ZFHX3: variants seen among roughly 807,000 people sequenced by gnomAD.
ZFHX3 encodes the protein zinc finger homeobox 3.
A neutral mutation model predicts 279.1 loss-of-function variants in ZFHX3; 42 were observed. The ratio of observed to expected loss-of-function variants is 0.15; its 90% CI spans 0.12 to 0.19. ZFHX3 has a LOEUF of 0.19. Ranked by LOEUF, ZFHX3 falls within the 10% of genes least tolerant of loss-of-function variation. The probability of loss-of-function intolerance (pLI) is 1.00; values close to 1 mark genes in which losing one functional copy is unlikely to be tolerated. For missense variants in ZFHX3, 4,981 were observed against 4,754.0 expected (o/e 1.05, Z -1.40); for synonymous variants, 2,293 against 1,957.8 (o/e 1.17, Z -4.52).
Position 72,795,116 on chromosome 16 carries a change from G to A in ZFHX3, c.7566C>T (p.Asn2522=), listed in dbSNP as rs2035854300. The A allele has an allele frequency of 6.2e-7, 1 of 1,614,052 alleles. No homozygotes were observed. The highest frequency in any genetic ancestry group is 8.5e-7 in the Non-Finnish European group (1 of 1,180,028). Residue 2522 remains asparagine (N), a synonymous_variant, in exon 9 of 10, where the codon AAC becomes AAT. Transcript: ENST00000268489. ...LHTSTPQQLA[N]LPPQLIPYQC... ...GGTAGGGGATTAGCTGAGGAGGTAG[G>A]TTTGCGAGCTGTTGAGGAGTTGATG...
At chr16:73,125,881 C>T (rs1966561107) in intron 7 of ZFHX3, among the ~76,000 whole-genome samples, 2 of 151,904 alleles carry the variant, frequency 1.3e-5, no homozygotes, top group South Asian at 2.1e-4. Context: ...ACCCTAATAC[C>T]GTACCATTAT....
At chr16:73,156,836 C>T (rs1967097281) in intron 5 of ZFHX3, among the ~76,000 whole-genome samples, 2 of 152,084 alleles carry the variant, frequency 1.3e-5, no homozygotes, top group South Asian at 4.1e-4. Flanking sequence ...GCCTTAGCCT[C>T]CCGAGTAGCT....
At chr16:73,662,121 G>A (rs1007037566) in intron 2 of ZFHX3, among the ~76,000 whole-genome samples, 10 of 151,770 alleles carry the variant, frequency 6.6e-5, no homozygotes, top group Admixed American at 2.0e-4. Flanking sequence ...CTCTGATCAT[G>A]CATTATTATG....
chr16:73,604,219 T>C (rs1179494672), intron 2 of ZFHX3, among the ~76,000 whole-genome samples: 1 of 152,208 alleles, frequency 6.6e-6, no homozygotes, highest in Non-Finnish European at 1.5e-5. Flanking sequence ...CTAGTGGCTC[T>C]GGATAGAGGG....
At chr16:73,872,245 GT>G (rs370173868) in intron 1 of ZFHX3, among the ~76,000 whole-genome samples, 3,356 of 145,956 alleles carry the variant, frequency 0.023, 126 homozygotes, top group African/African-American at 0.08. Flanking sequence ...GGACATCCCT[GT>G]TTTTTTTTTT....
At chr16:73,483,064 A>G (rs1176343170) in intron 2 of ZFHX3, among the ~76,000 whole-genome samples, 3 of 152,128 alleles carry the variant, frequency 2.0e-5, no homozygotes, top group Non-Finnish European at 4.4e-5. Flanking sequence ...TTCCCCCTCC[A>G]TGGGGTTAGA....
chr16:73,169,411 A>G (rs1967467268), intron 5 of ZFHX3, among the ~76,000 whole-genome samples: 1 of 152,168 alleles, frequency 6.6e-6, no homozygotes, highest in African/African-American at 2.4e-5. Flanking sequence ...ATCTCATGGT[A>G]TGACCTCACG....
At position 72,950,721 on chromosome 16, in the gene ZFHX3, G is replaced by C. The variant is rs1260206583; in HGVS notation, c.2964C>G (p.Leu988=). 6.2e-7 allele frequency: 1 copy of C among 1,614,114 alleles called. No individual in the cohort carries two copies. The highest frequency in any genetic ancestry group is 1.3e-5 in the African/African-American group (1 of 74,946). ...AVMGDSYQCK[L]CRYNTQLKAN... is the part of the protein sequence containing the mutation. ...CCTTGAGCTGGGTGTTGTAGCGGCA[G>C]AGCTTGCACTGGTATGAGTCCCCCA... The change falls in exon 3 of 10, where the codon CTC becomes CTG. Residue 988 remains leucine, a synonymous_variant. Coordinates refer to ENST00000268489, the MANE Select transcript of ZFHX3 (RefSeq NM_006885.4).
chr16:73,055,678 ACG>A (rs141836776), intron 1 of ZFHX3, among the ~76,000 whole-genome samples: 24,274 of 116,582 alleles, frequency 0.21, 2,336 homozygotes, highest in Admixed American at 0.3. Context: ...GTGCAGACGT[ACG>A]CGCGCGCGCG....
At chr16:73,410,647 G>C (rs2017447141) in intron 3 of ZFHX3, among the ~76,000 whole-genome samples, 1 of 151,842 alleles carries the variant, frequency 6.6e-6, no homozygotes, top group Non-Finnish European at 1.5e-5. Flanking sequence ...GCCCAGATGA[G>C]TGCTGTCCCA....
intron 2 of ZFHX3, among the ~76,000 whole-genome samples, chr16:73,591,450 T>G (rs1174486855): frequency 6.6e-6 from 1 of 151,646 alleles, no homozygotes; most frequent in East Asian, 1.9e-4. Context: ...TCCCAGCACT[T>G]TGGGAGGCCA....
chr16:73,761,265 A>G (rs536248057), intron 1 of ZFHX3, among the ~76,000 whole-genome samples: 1 of 152,312 alleles, frequency 6.6e-6, no homozygotes, highest in East Asian at 1.9e-4. Context: ...ATACATAGGA[A>G]TACAGCTAAC....
chr16:72,795,543 G>A lies in ZFHX3; in HGVS notation c.7139C>T (p.Ser2380Leu), dbSNP rs774068826. 1.2e-6 allele frequency: 2 copies of A among 1,614,002 alleles called. No homozygotes were observed. Among genetic ancestry groups the A allele is most frequent in the East Asian group, 2.2e-5 (1 of 44,878 alleles). Reference protein sequence around the residue: ...DAMEILTPTSSSCSTPMPSQA... With the variant: ...DAMEILTPTSLSCSTPMPSQA... ...TGAGGGCATCGGGGTACTGCAGGAT[G>A]AGCTGGTAGGCGTCAGGATTTCCAT... The change falls in exon 9 of 10, where the codon TCA becomes TTA. Residue 2380 changes from serine (S) to leucine (L), a missense_variant. By Grantham distance (145) the Ser-to-Leu change is moderately radical. This residue lies in a region of ZFHX3 where 744 missense variants were observed against 701.3 expected (regional missense o/e 1.06). Transcript: ENST00000268489.
intron 4 of ZFHX3, among the ~76,000 whole-genome samples, chr16:73,268,922 G>A (rs2014063274): frequency 6.6e-6 from 1 of 152,144 alleles, no homozygotes; most frequent in South Asian, 2.1e-4. Flanking sequence ...CTCCACAGAG[G>A]TGCAGAAGCT....
chr16:72,977,497 G>A (rs1431545169), intron 1 of ZFHX3, among the ~76,000 whole-genome samples: 1 of 152,092 alleles, frequency 6.6e-6, no homozygotes, highest in Non-Finnish European at 1.5e-5. Flanking sequence ...TAAAGTCTAG[G>A]AACTAACATG....
chr16:73,690,120 T>A (rs1367113053), intron 1 of ZFHX3, among the ~76,000 whole-genome samples: 4 of 152,214 alleles, frequency 2.6e-5, no homozygotes, highest in African/African-American at 7.2e-5. Flanking sequence ...TTTCACCATG[T>A]TGGCCAGACT....
chr16:73,482,712 A>G (rs767415133), intron 2 of ZFHX3, among the ~76,000 whole-genome samples: 1 of 152,218 alleles, frequency 6.6e-6, no homozygotes, highest in South Asian at 2.1e-4. Context: ...TGAGGTGATT[A>G]AAAGAGAGAG....
chr16:73,073,803 C>G (rs1965852437), intron 8 of ZFHX3, among the ~76,000 whole-genome samples: 1 of 152,160 alleles, frequency 6.6e-6, no homozygotes, highest in Non-Finnish European at 1.5e-5. Flanking sequence ...CCGGCCTGGA[C>G]TTGCTGTTTT....
chr16:72,979,505 A>T (rs1212297418), intron 1 of ZFHX3, among the ~76,000 whole-genome samples: 3 of 152,186 alleles, frequency 2.0e-5, no homozygotes, highest in Non-Finnish European at 4.4e-5. Context: ...ACAACTCTTC[A>T]CTGTTAAAAT....
Sources: gnomAD v4.1 joint callset for allele counts (sites outside exome capture counted in the v4.1 genomes callset) on GRCh38, gnomAD v4.1.1 for gene constraint, gnomAD v4.1.1 regional missense constraint, MANE v1.5 for transcripts, NCBI Gene and HGNC (gene_info 2026-07-23, HGNC 2026-07-21) for gene names.